HFM1: variants seen among roughly 807,000 people sequenced by gnomAD.
HFM1 encodes probable ATP-dependent DNA helicase HFM1.
HFM1 carries 169 observed loss-of-function variants against 192.1 expected under a neutral mutation model. That is an observed-to-expected ratio of 0.88 (90% CI 0.78 to 1.00). HFM1 has a LOEUF of 1.00. HFM1 is among the 50% of genes least tolerant of loss of function. The pLI, the probability that HFM1 is intolerant of heterozygous loss-of-function variation, is 0.00. For missense variants in HFM1, 1,661 were observed against 1,668.0 expected (o/e 1.00, Z 0.07); for synonymous variants, 525 against 537.8 (o/e 0.98, Z 0.33).
At chr1:91,340,177 T>C (rs1222045435) in intron 20 of HFM1, among the ~76,000 whole-genome samples, 1 of 152,090 alleles carries the variant, frequency 6.6e-6, no homozygotes, top group Non-Finnish European at 1.5e-5. Context: ...AGCTAATTTT[T>C]AGAAAAATTT....
At chr1:91,349,202 T>C (rs1656592464) in intron 18 of HFM1, among the ~76,000 whole-genome samples, 1 of 151,882 alleles carries the variant, frequency 6.6e-6, no homozygotes, top group Admixed American at 6.6e-5. Flanking sequence ...GGCAGAGAAT[T>C]GCTTGAACCT....
chr1:91,263,557 C>T (rs1191690982), intron 36 of HFM1, among the ~76,000 whole-genome samples: 7 of 151,808 alleles, frequency 4.6e-5, no homozygotes, highest in African/African-American at 1.7e-4. Flanking sequence ...GCTTAGTCAA[C>T]ATAGCAAGAC....
chr1:91,370,312 C>T (rs1273741130), intron 13 of HFM1, among the ~76,000 whole-genome samples: 4 of 152,248 alleles, frequency 2.6e-5, no homozygotes, highest in Middle Eastern at 3.4e-3. Flanking sequence ...GACCAATATC[C>T]CTGATGAACA....
At chr1:91,371,015 T>C (rs1305727328) in intron 13 of HFM1, among the ~76,000 whole-genome samples, 14 of 151,328 alleles carry the variant, frequency 9.3e-5, no homozygotes, top group African/African-American at 1.7e-4. Flanking sequence ...AATAAAATAC[T>C]TAGGAATCCA....
chr1:91,352,973 G>A, intron 15 of HFM1, 78 bp downstream of exon 15: 1 of 880,628 alleles, frequency 1.1e-6, no homozygotes, highest in Non-Finnish European at 1.8e-6. Context: ...CAGAACACTT[G>A]CGCTTTTTCC....
rs186512235 is a variant in HFM1, at chr1:91,337,627, G to A, written c.2335+5803C>T. The stretch of plus-strand genomic sequence containing the variant: ...TCCAGTACTGCATCCCCTTTTTTCC[G>A]GGAGGCCTCAGGTAACTTGGCTGCA... On this transcript the variant is annotated intron_variant, in intron 20 of 38. Transcript: ENST00000370425. Among the ~76,000 whole-genome samples the A allele has an allele frequency of 3.3e-4, 50 of 152,114 alleles. 2 individuals carry two copies. In the East Asian group the frequency reaches 8.1e-3, roughly 25 times the overall value.
intron 1 of HFM1, among the ~76,000 whole-genome samples, chr1:91,404,428 C>T (rs369440166): frequency 6.6e-6 from 1 of 152,220 alleles, no homozygotes; most frequent in Non-Finnish European, 1.5e-5. Context: ...TACGTCCCCC[C>T]CAGCGCTCGC....
chr1:91,299,363 T>C (rs1181553494), intron 30 of HFM1, among the ~76,000 whole-genome samples: 3 of 152,088 alleles, frequency 2.0e-5, no homozygotes, highest in East Asian at 1.9e-4. Flanking sequence ...CTGTCAACAT[T>C]AGACAGATCA....
intron 19 of HFM1, among the ~76,000 whole-genome samples, chr1:91,346,420 G>A (rs180794611): frequency 7.6e-4 from 116 of 152,154 alleles, no homozygotes; most frequent in Admixed American, 1.3e-3. Flanking sequence ...GTATTTCAAC[G>A]TGAATACAGC....
chr1:91,368,130 C>G (rs925338792), intron 13 of HFM1, among the ~76,000 whole-genome samples: 1 of 152,150 alleles, frequency 6.6e-6, no homozygotes, highest in Non-Finnish European at 1.5e-5. Context: ...ATTGGTGTAC[C>G]TGAAAGTGAC....
At chr1:91,349,433 C>CA (rs1362971707) in intron 18 of HFM1, among the ~76,000 whole-genome samples, 3 of 152,096 alleles carry the variant, frequency 2.0e-5, no homozygotes, top group African/African-American at 7.2e-5. Context: ...ACTTCAGAGA[C>CA]AAAGTTATAA....
chr1:91,375,534 G>T lies in HFM1; in HGVS notation c.1589C>A (p.Thr530Lys), dbSNP rs571940865. 5.0e-6 allele frequency: 8 copies of T among 1,612,612 alleles called. No homozygotes were observed. In the African/African-American group the frequency reaches 1.1e-4, roughly 22 times the overall value. The change falls in exon 12 of 39, where the codon ACA (threonine) becomes AAA (lysine). Residue 530 changes from threonine to lysine, a missense_variant. Transcript: ENST00000370425. ...VIQMYSDQKP[T>K]LVFCATRKGV... ...GCTATCAACAATCCATACCACAAGT[G>T]TGGGTTTCTGATCAGAGTACATTTG... is the stretch of plus-strand genomic sequence containing the variant.
intron 30 of HFM1, among the ~76,000 whole-genome samples, chr1:91,291,154 G>A (rs1668699003): frequency 6.6e-6 from 1 of 152,096 alleles, no homozygotes; most frequent in Admixed American, 6.5e-5. Flanking sequence ...AGAAAAGCAA[G>A]AGCAAACACA....
At chr1:91,407,365 AAAG>A (rs1266869981), upstream of HFM1, among the ~76,000 whole-genome samples, 2 of 152,176 alleles carry the variant, frequency 1.3e-5, no homozygotes, top group Non-Finnish European at 1.5e-5. Context: ...AGAAAAAAAA[AAAG>A]AAATTTCTGC....
chr1:91,282,531 A>G (rs769881589), intron 30 of HFM1, among the ~76,000 whole-genome samples: 1 of 152,180 alleles, frequency 6.6e-6, no homozygotes, highest in Non-Finnish European at 1.5e-5. Context: ...TTGTCTGCCT[A>G]TAAGGTTCCT....
chr1:91,384,745 A>G (rs912493389), intron 6 of HFM1, among the ~76,000 whole-genome samples: 1 of 59,924 alleles, frequency 1.7e-5, no homozygotes, highest in Non-Finnish European at 2.9e-5. Context: ...ACACACATAC[A>G]TCTTTTTTTT....
chr1:91,344,397 G>C (rs1334422129), intron 19 of HFM1, among the ~76,000 whole-genome samples: 6 of 152,146 alleles, frequency 3.9e-5, no homozygotes, highest in Admixed American at 6.5e-5. Flanking sequence ...GTTAAGTAAA[G>C]ATTTTGAAGT....
At chr1:91,406,869 AT>A (rs1664834470), upstream of HFM1, among the ~76,000 whole-genome samples, 2 of 152,106 alleles carry the variant, frequency 1.3e-5, no homozygotes, top group South Asian at 2.1e-4. Flanking sequence ...AGATACAAAA[AT>A]TTGGTAAGAA....
chr1:91,365,799 G>A (rs563800248), intron 13 of HFM1, among the ~76,000 whole-genome samples: 33 of 151,918 alleles, frequency 2.2e-4, no homozygotes, highest in East Asian at 5.8e-4. Flanking sequence ...TAGAAATGTC[G>A]CTTATTTAAT....
Sources: allele counts gnomAD v4.1 joint callset (sites outside exome capture counted in the v4.1 genomes callset), GRCh38; gene constraint gnomAD v4.1.1; transcripts MANE v1.5; gene names NCBI Gene and HGNC (gene_info 2026-07-23, HGNC 2026-07-21).